The following EIF5A2 variants were observed in gnomAD, a reference collection of about 807,000 sequenced individuals.
EIF5A2 encodes the protein eukaryotic translation initiation factor 5A-2.
Under a neutral mutation model 16.4 loss-of-function variants are expected in EIF5A2, and 15 were observed. The ratio of observed to expected loss-of-function variants is 0.92; its 90% CI spans 0.61 to 1.41. The LOEUF (loss-of-function observed/expected upper bound fraction) is 1.41, where lower values mean the gene tolerates loss of function less well. EIF5A2 is among the 40% of genes most tolerant of loss of function. The pLI, the probability that EIF5A2 is intolerant of heterozygous loss-of-function variation, is 0.00. For missense variants in EIF5A2, 144 were observed against 189.5 expected (o/e 0.76, Z 1.41); for synonymous variants, 48 against 61.1 (o/e 0.79, Z 1.00).
At position 170,890,413 on chromosome 3, in the gene EIF5A2, G is replaced by A. The variant is rs1712502235; in HGVS notation, c.*2947C>T. On this transcript the variant is annotated 3_prime_UTR_variant, in exon 5 of 5. Transcript: ENST00000295822. The stretch of plus-strand genomic sequence containing the variant: ...TTTTGGTAATTAACATAAAGCGCTG[G>A]TACAGAGACTTGTATCATTAAGGGA... The A allele has an allele frequency of 6.6e-6, 1 of 152,024 alleles. No homozygotes were observed. The highest frequency in any genetic ancestry group is 2.4e-5 in the African/African-American group (1 of 41,408). 9.4% of individuals were successfully genotyped at this position (152,024 alleles called of 1,614,324 possible).
chr3:170,898,813 A>G (rs368990175), intron 3 of EIF5A2, among the ~76,000 whole-genome samples: 16 of 151,182 alleles, frequency 1.1e-4, no homozygotes, highest in Middle Eastern at 3.4e-3. Flanking sequence ...CATGTGCACT[A>G]TTTTCTCTAT....
chr3:170,895,802 T>C (rs961442446), intron 3 of EIF5A2, among the ~76,000 whole-genome samples: 2 of 152,132 alleles, frequency 1.3e-5, no homozygotes, highest in African/African-American at 4.8e-5. Context: ...GGTAGAGAAG[T>C]GGGAGCAAGG....
chr3:170,899,826 T>C (rs1005268819), intron 3 of EIF5A2, among the ~76,000 whole-genome samples: 1 of 152,040 alleles, frequency 6.6e-6, no homozygotes, highest in African/African-American at 2.4e-5. Flanking sequence ...TCTGACTCCA[T>C]AGAGTTGGAA....
intron 3 of EIF5A2, among the ~76,000 whole-genome samples, chr3:170,900,458 G>T (rs1226786866): frequency 6.6e-6 from 1 of 151,710 alleles, no homozygotes; most frequent in African/African-American, 2.4e-5. Context: ...GTCCAGATCA[G>T]GAAGTGTGTA....
rs2108289701 is a variant in EIF5A2, at chr3:170,888,662, G to A, written c.*4698C>T. The A allele has an allele frequency of 6.6e-6, 1 of 152,466 alleles. No individual in the cohort carries two copies. The highest frequency in any genetic ancestry group is 2.1e-4 in the South Asian group (1 of 4,812). The allele number at this position is 152,466 out of a possible 1,614,324, so 9.4% of individuals were successfully genotyped here. Reference sequence around the variant, plus strand: ...AACATTTGAGTTTCTGCAGGTAAAAGCAATAGTTCTCCTGTATCTAAGAAA... The same window carrying A: ...AACATTTGAGTTTCTGCAGGTAAAAACAATAGTTCTCCTGTATCTAAGAAA... On this transcript the variant is annotated 3_prime_UTR_variant, in exon 5 of 5. Coordinates refer to ENST00000295822, the MANE Select transcript of EIF5A2 (RefSeq NM_020390.6).
chr3:170,897,899 C>T (rs1225938353), intron 3 of EIF5A2, among the ~76,000 whole-genome samples: 9 of 152,198 alleles, frequency 5.9e-5, no homozygotes, highest in Admixed American at 2.6e-4. Context: ...AGAGGCTGTA[C>T]CCTGTAGAGC....
chr3:170,900,171 G>A (rs1257395845), intron 3 of EIF5A2, among the ~76,000 whole-genome samples: 2 of 151,852 alleles, frequency 1.3e-5, no homozygotes, highest in East Asian at 1.9e-4. Flanking sequence ...AGGAGTCCGA[G>A]ACCAACCTGG....
intron 3 of EIF5A2, among the ~76,000 whole-genome samples, chr3:170,906,207 G>T (rs182057466): frequency 6.6e-6 from 1 of 152,200 alleles, no homozygotes; most frequent in African/African-American, 2.4e-5. Flanking sequence ...TTGATATATG[G>T]TATGCTTGAT....
Position 170,892,080 on chromosome 3 carries a change from A to T in EIF5A2, c.*1280T>A, listed in dbSNP as rs1265396281. 6.6e-6 allele frequency: 1 copy of T among 152,638 alleles called. No individual in the cohort carries two copies. The highest frequency in any genetic ancestry group is 1.9e-4 in the East Asian group (1 of 5,202). The allele number at this position is 152,638 out of a possible 1,614,324, so 9.5% of individuals were successfully genotyped here. ...CAAAAATTCCAAATCAATTTAAGGA[A>T]TTCTCAGTTTTTGTTTAATAAATAC... is the stretch of plus-strand genomic sequence containing the variant. On this transcript the variant is annotated 3_prime_UTR_variant, in exon 5 of 5. Transcript: ENST00000295822.
intron 3 of EIF5A2, among the ~76,000 whole-genome samples, chr3:170,904,467 A>G (rs1043597799): frequency 6.6e-6 from 1 of 152,200 alleles, no homozygotes; most frequent in African/African-American, 2.4e-5. Flanking sequence ...AGACCACCAT[A>G]GCACAATAAA....
At chr3:170,893,459 A>G (rs1453679207) in intron 4 of EIF5A2, 40 bp from the exon 5 acceptor site, 1 of 1,599,968 alleles carries the variant, frequency 6.3e-7, no homozygotes, top group African/African-American at 1.3e-5. Context: ...TTCAGAAGAC[A>G]ATACATATAG....
intron 3 of EIF5A2, 30 bp from the exon 4 acceptor site, chr3:170,894,453 G>A: frequency 6.2e-7 from 1 of 1,608,066 alleles, no homozygotes; most frequent in South Asian, 1.1e-5. Context: ...CATTTGTGCT[G>A]ATTAGATTAT....
At chr3:170,902,607 C>CTTTTTT in intron 3 of EIF5A2, among the ~76,000 whole-genome samples, 1 of 102,244 alleles carries the variant, frequency 9.8e-6, no homozygotes, top group Non-Finnish European at 2.0e-5. Context: ...AGAAGCCTTC[C>CTTTTTT]TTTTTTTTTT....
intron 3 of EIF5A2, among the ~76,000 whole-genome samples, chr3:170,898,430 C>T (rs1292302336): frequency 3.3e-5 from 5 of 152,154 alleles, no homozygotes; most frequent in Non-Finnish European, 7.3e-5. Context: ...GGGGCAGTTT[C>T]CCTCATGCTG....
rs1712446068 is a variant in EIF5A2 at position 170,888,693 on chromosome 3, ATG to A, written c.*4665_*4666del. 6.6e-6 allele frequency: 1 copy of A among 152,604 alleles called. No homozygotes were observed. The highest frequency in any genetic ancestry group is 2.4e-5 in the African/African-American group (1 of 41,458). 9.5% of individuals were successfully genotyped at this position (152,604 alleles called of 1,614,324 possible). On this transcript the variant is annotated 3_prime_UTR_variant, in exon 5 of 5. Transcript: ENST00000295822. ...GTTCTCCTGTATCTAAGAAAAAAAA[ATG>A]TATTACTAAAAAAGTGCCACTGAAT...
rs1296229715 is a variant in EIF5A2, at chr3:170,894,375, C to T, written c.319G>A (p.Glu107Lys). 1 of 1,614,004 alleles carries T rather than the reference C, an allele frequency of 6.2e-7. No individual in the cohort carries two copies. Residue 107 changes from glutamate to lysine, a missense_variant, in exon 4 of 5, where the codon GAA becomes AAA. Physicochemically the swap from Glu to Lys is moderately conservative, Grantham distance 56. Coordinates refer to ENST00000295822, the MANE Select transcript of EIF5A2 (RefSeq NM_020390.6). ...GYLSLLTETG[E>K]VREDLKLPEG... Reference sequence around the variant, plus strand: ...GGCAGTTTAAGATCCTCACGAACTTCACCAGTTTCTGTCAGCAGGGAAAGG... The same window carrying T: ...GGCAGTTTAAGATCCTCACGAACTTTACCAGTTTCTGTCAGCAGGGAAAGG...
chr3:170,894,867 A>G (rs1400890065), intron 3 of EIF5A2, among the ~76,000 whole-genome samples: 2 of 151,740 alleles, frequency 1.3e-5, no homozygotes, highest in Admixed American at 6.6e-5. Flanking sequence ...TCTACTAAAA[A>G]TACAAAAAAT....
chr3:170,905,913 C>A lies in EIF5A2; in HGVS notation c.270+1076G>T, dbSNP rs577323473. Among the ~76,000 whole-genome samples the A allele has an allele frequency of 6.6e-5, 10 of 152,054 alleles. No individual in the cohort carries two copies. In the East Asian group the frequency reaches 1.9e-3, roughly 29 times the overall value. ...TGGTTAAAAAAACCCACTTGCAAGA[C>A]AATTCAAATTTCTACAAAGACTTCA... On this transcript the variant is annotated intron_variant, in intron 3 of 4. Transcript: ENST00000295822.
chr3:170,897,800 G>T (rs1056049034), intron 3 of EIF5A2, among the ~76,000 whole-genome samples: 4 of 152,196 alleles, frequency 2.6e-5, no homozygotes, highest in Non-Finnish European at 5.9e-5. Context: ...CTGTGAGAAG[G>T]GGGGTCACCA....
Sources: gnomAD v4.1 joint callset for allele counts (sites outside exome capture counted in the v4.1 genomes callset) on GRCh38, gnomAD v4.1.1 for gene constraint, MANE v1.5 for transcripts, NCBI Gene and HGNC (gene_info 2026-07-23, HGNC 2026-07-21) for gene names.